The following CYSLTR2 variants were observed in gnomAD, a reference collection of about 807,000 sequenced individuals.
The protein encoded by CYSLTR2 is cysteinyl leukotriene receptor 2.
For synonymous variants in CYSLTR2, 179 were observed against 160.8 expected (o/e 1.11, Z -0.86); for missense variants, 398 against 411.9 (o/e 0.97, Z 0.29).
chr13:48,703,901 T>A (rs887108781), intron 4 of CYSLTR2, among the ~76,000 whole-genome samples: 1 of 152,200 alleles, frequency 6.6e-6, no homozygotes, highest in Non-Finnish European at 1.5e-5. Context: ...GAATTTAATT[T>A]CCTTAATAGT....
intron 1 of CYSLTR2, among the ~76,000 whole-genome samples, chr13:48,664,819 T>G (rs575009434): frequency 2.9e-4 from 44 of 152,034 alleles, no homozygotes; most frequent in African/African-American, 1.1e-3. Flanking sequence ...ATTTTATATT[T>G]CTATTCTGCT....
At chr13:48,658,160 C>T (rs1340863233) in intron 1 of CYSLTR2, among the ~76,000 whole-genome samples, 4 of 152,164 alleles carry the variant, frequency 2.6e-5, no homozygotes, top group Admixed American at 2.0e-4. Context: ...AGTCTGCTAC[C>T]CTCCAAGATA....
intron 1 of CYSLTR2, 60 bp downstream of exon 1, chr13:48,654,077 C>T (rs1162962802): frequency 6.6e-6 from 1 of 152,126 alleles, no homozygotes; most frequent in Non-Finnish European, 1.5e-5. Context: ...TTGATGATCA[C>T]ATAATAGTCA....
chr13:48,682,535 T>C (rs1475730989), intron 1 of CYSLTR2, among the ~76,000 whole-genome samples: 2 of 152,154 alleles, frequency 1.3e-5, no homozygotes, highest in South Asian at 4.1e-4. Flanking sequence ...AGATTTGCTG[T>C]TGAGATCCAT....
chr13:48,690,526 T>G (rs570464788), intron 1 of CYSLTR2, among the ~76,000 whole-genome samples: 33 of 152,170 alleles, frequency 2.2e-4, no homozygotes, highest in African/African-American at 7.2e-4. Flanking sequence ...TGGTTTTTGT[T>G]ATTGGTTCTG....
chr13:48,698,338 C>A (rs2138972367), intron 4 of CYSLTR2, among the ~76,000 whole-genome samples: 1 of 152,338 alleles, frequency 6.6e-6, no homozygotes, highest in South Asian at 2.1e-4. Flanking sequence ...AGAAACTCTA[C>A]AAGCCAGAAG....
At chr13:48,690,431 A>G (rs763046495) in intron 1 of CYSLTR2, among the ~76,000 whole-genome samples, 1 of 152,138 alleles carries the variant, frequency 6.6e-6, no homozygotes, top group Non-Finnish European at 1.5e-5. Flanking sequence ...ATGTTTCATC[A>G]ATATCTAGTT....
At chr13:48,687,566 A>G (rs533898411) in intron 1 of CYSLTR2, among the ~76,000 whole-genome samples, 8 of 152,248 alleles carry the variant, frequency 5.3e-5, no homozygotes, top group Non-Finnish European at 1.2e-4. Flanking sequence ...TCTATCATCT[A>G]TCTATCATCT....
At chr13:48,706,599 T>C (rs1019439887) in intron 4 of CYSLTR2, 10 of 491,680 alleles carry the variant, frequency 2.0e-5, no homozygotes, top group Non-Finnish European at 3.6e-5. Context: ...AACAAATTAA[T>C]GGCTATTCTA....
At chr13:48,693,687 T>G (rs922020163) in intron 3 of CYSLTR2, among the ~76,000 whole-genome samples, 177 bp downstream of exon 3, 1 of 151,984 alleles carries the variant, frequency 6.6e-6, no homozygotes, top group Non-Finnish European at 1.5e-5. Context: ...TGTAAAAGAA[T>G]AGATTTTGGA....
chr13:48,680,765 C>A (rs1193463097), intron 1 of CYSLTR2, among the ~76,000 whole-genome samples: 1 of 147,652 alleles, frequency 6.8e-6, no homozygotes, highest in Non-Finnish European at 1.5e-5. Context: ...ATCTAGCAGA[C>A]GATTTTCTTT....
At chr13:48,695,331 T>C (rs1483599264) in intron 3 of CYSLTR2, among the ~76,000 whole-genome samples, 1 of 151,394 alleles carries the variant, frequency 6.6e-6, no homozygotes, top group Non-Finnish European at 1.5e-5. Context: ...TTCTTTTCTT[T>C]CTCTTTTTTC....
intron 1 of CYSLTR2, among the ~76,000 whole-genome samples, chr13:48,681,584 A>T (rs2050430210): frequency 6.6e-6 from 1 of 152,042 alleles, no homozygotes; most frequent in Non-Finnish European, 1.5e-5. Context: ...TGCTCCCCTC[A>T]AATCCATGGT....
intron 3 of CYSLTR2, 63 bp from the exon 4 acceptor site, chr13:48,696,463 C>T (rs981585058): frequency 6.6e-6 from 1 of 152,142 alleles, no homozygotes; most frequent in Non-Finnish European, 1.5e-5. Context: ...ATTCTAAGAA[C>T]TCTTTGTCAG....
intron 4 of CYSLTR2, among the ~76,000 whole-genome samples, chr13:48,706,065 C>T (rs1233424024): frequency 2.7e-5 from 4 of 146,146 alleles, no homozygotes; most frequent in Admixed American, 1.4e-4. Context: ...GGCATGATCT[C>T]GGCTCATTGC....
intron 1 of CYSLTR2, among the ~76,000 whole-genome samples, chr13:48,682,445 T>C (rs1481228391): frequency 6.6e-6 from 1 of 152,270 alleles, no homozygotes; most frequent in Non-Finnish European, 1.5e-5. Context: ...CCCTGACCTG[T>C]CTCCTTAGTT....
At chr13:48,698,022 GA>G (rs1186481527) in intron 4 of CYSLTR2, among the ~76,000 whole-genome samples, 2 of 152,202 alleles carry the variant, frequency 1.3e-5, no homozygotes, top group African/African-American at 4.8e-5. Context: ...AGGACTATGT[GA>G]AAAGACCAAA....
At chr13:48,668,386 G>C (rs1465025826) in intron 1 of CYSLTR2, among the ~76,000 whole-genome samples, 1 of 152,116 alleles carries the variant, frequency 6.6e-6, no homozygotes, top group African/African-American at 2.4e-5. Context: ...GGGCAGGTTA[G>C]AGATCAGAGA....
chr13:48,671,626 C>A (rs539186995), intron 1 of CYSLTR2, among the ~76,000 whole-genome samples: 4 of 152,314 alleles, frequency 2.6e-5, no homozygotes, highest in Admixed American at 1.3e-4. Context: ...AGGAATGAAG[C>A]CAACTTGATC....
Sources: gnomAD v4.1 joint callset for allele counts (sites outside exome capture counted in the v4.1 genomes callset) on GRCh38, gnomAD v4.1.1 for gene constraint, MANE v1.5 for transcripts, NCBI Gene and HGNC (gene_info 2026-07-23, HGNC 2026-07-21) for gene names.